NWD2: variants seen among roughly 807,000 people sequenced by gnomAD.
NWD2 encodes NACHT and WD repeat domain containing 2, also known as NACHT and WD repeat domain-containing protein 2.
Under a neutral mutation model 132.7 loss-of-function variants are expected in NWD2, and 37 were observed. The observed-to-expected ratio is 0.28, with a 90% CI of 0.21 to 0.37. The LOEUF is 0.37. Ranked by LOEUF, NWD2 falls within the 10% of genes least tolerant of loss-of-function variation. NWD2 has a pLI of 1.00. For missense variants in NWD2, 1,592 were observed against 2,122.4 expected, an observed-to-expected ratio of 0.75 and a Z score of 4.91; for synonymous variants, 705 against 803.0, an observed-to-expected ratio of 0.88 and a Z score of 2.06.
intron 5 of NWD2, 44 bp from the exon 6 acceptor site, chr4:37,438,757 T>C: frequency 7.5e-7 from 1 of 1,340,120 alleles, no homozygotes; most frequent in Admixed American, 2.5e-5. Flanking sequence ...GGTGTGTTGC[T>C]CCTTTGTTCT....
Position 37,444,938 on chromosome 4 carries a change from A to G in NWD2, c.2950A>G (p.Thr984Ala). ...LPTCNPSTVL[T>A]ALENGSISTW... The stretch of plus-strand genomic sequence containing the variant: ...TACCTGTAACCCCAGCACTGTCCTC[A>G]CAGCTTTAGAAAATGGTTCCATCAG... Residue 984 changes from threonine (T) to alanine (A), a missense_variant, in exon 7 of 7, where the codon ACA (threonine) becomes GCA (alanine). Physicochemically the swap from Thr to Ala is moderately conservative, Grantham distance 58 (BLOSUM62 0). This residue lies in a region of NWD2 where 1,071 missense variants were observed against 1,398.0 expected (regional missense o/e 0.77). Transcript: ENST00000309447. The surrounding 1 kb of genome is among the most constrained non-coding windows in gnomAD (Gnocchi z 4.8). The G allele has an allele frequency of 6.4e-7, 1 of 1,552,228 alleles. No homozygotes were observed. Among genetic ancestry groups the G allele is most frequent in the South Asian group, 1.2e-5 (1 of 84,044 alleles).
chr4:37,378,493 T>C (rs1178001594), intron 3 of NWD2, among the ~76,000 whole-genome samples: 1 of 152,246 alleles, frequency 6.6e-6, no homozygotes, highest in East Asian at 1.9e-4. Context: ...CATTTTCCCA[T>C]GTAACAATGG....
intron 3 of NWD2, among the ~76,000 whole-genome samples, chr4:37,373,361 G>C (rs1302210228): frequency 2.0e-5 from 3 of 152,194 alleles, no homozygotes; most frequent in South Asian, 2.1e-4. Context: ...ATCCAGACCA[G>C]TATCAAGAAG....
intron 1 of NWD2, among the ~76,000 whole-genome samples, chr4:37,302,111 T>C (rs1440719730): frequency 2.0e-5 from 3 of 151,734 alleles, no homozygotes; most frequent in African/African-American, 7.3e-5. Context: ...CTTTATTCCC[T>C]TACCATCCAC....
intron 1 of NWD2, among the ~76,000 whole-genome samples, chr4:37,255,118 G>A (rs749642486): frequency 6.6e-6 from 1 of 152,168 alleles, no homozygotes; most frequent in Non-Finnish European, 1.5e-5. Context: ...TAGAAAGGGA[G>A]TAAAAATGAC....
chr4:37,289,801 G>A (rs1283484694), intron 1 of NWD2, among the ~76,000 whole-genome samples: 2 of 151,966 alleles, frequency 1.3e-5, no homozygotes, highest in Non-Finnish European at 2.9e-5. Flanking sequence ...CCCTCCTAGT[G>A]AGTCCCACTC....
chr4:37,271,090 C>T (rs1246507166), intron 1 of NWD2, among the ~76,000 whole-genome samples: 2 of 151,738 alleles, frequency 1.3e-5, no homozygotes, highest in African/African-American at 4.8e-5. Flanking sequence ...AGTCTTGTTC[C>T]ATTGGTCAAT....
At chr4:37,318,020 C>CTTTTTTTTTTTTTTT (rs71185128) in intron 1 of NWD2, among the ~76,000 whole-genome samples, 1 of 113,364 alleles carries the variant, frequency 8.8e-6, no homozygotes, top group Non-Finnish European at 1.7e-5. Context: ...TTTTTTCTTT[C>CTTTTTTTTTTTTTTT]TTTTTTTTTT....
At chr4:37,247,432 G>A (rs1054297091) in intron 1 of NWD2, among the ~76,000 whole-genome samples, 5 of 152,038 alleles carry the variant, frequency 3.3e-5, no homozygotes, top group Admixed American at 1.3e-4. Context: ...CTTTACTAGC[G>A]GAAATCCAAT....
rs1717673693 is a variant in NWD2 at position 37,262,927 on chromosome 4, C to T, written c.151+17709C>T. Among the ~76,000 whole-genome samples the T allele has an allele frequency of 2.0e-5, 3 of 152,070 alleles. No homozygotes were observed. In the South Asian group the frequency reaches 6.2e-4, roughly 32 times the overall value. ...ACTGCCACATCCTCCTACCAAAGCT[C>T]CTAGAAAACCTGCTAAAAATTATTT... On this transcript the variant is annotated intron_variant, in intron 1 of 6. Transcript: ENST00000309447.
chr4:37,287,665 GA>G (rs1718263715), intron 1 of NWD2, among the ~76,000 whole-genome samples: 1 of 152,224 alleles, frequency 6.6e-6, no homozygotes, highest in Non-Finnish European at 1.5e-5. Context: ...CCCCTAGGGG[GA>G]GGGGTGGCCG....
chr4:37,393,878 G>C (rs1720727519), intron 3 of NWD2, among the ~76,000 whole-genome samples: 1 of 152,206 alleles, frequency 6.6e-6, no homozygotes, highest in South Asian at 2.1e-4. Flanking sequence ...GGAGTACAAG[G>C]CTATCTTTGG....
intron 1 of NWD2, among the ~76,000 whole-genome samples, chr4:37,286,598 T>C (rs1364501857): frequency 2.0e-5 from 3 of 152,158 alleles, no homozygotes; most frequent in Non-Finnish European, 4.4e-5. Flanking sequence ...CCCTGTAGTG[T>C]GTAGCCTGGA....
rs370325481 is a variant in NWD2 at position 37,446,769 on chromosome 4, G to A, written c.4781G>A (p.Gly1594Asp). 7.2e-5 allele frequency: 112 copies of A among 1,551,660 alleles called. No homozygotes were observed. The highest frequency in any genetic ancestry group is 9.2e-5 in the Non-Finnish European group (106 of 1,147,038). The change falls in exon 7 of 7, where the codon GGT becomes GAT. Residue 1594 changes from glycine to aspartate, a missense_variant. Coordinates refer to ENST00000309447, the MANE Select transcript of NWD2 (RefSeq NM_001144990.2). This position sits in a 1 kb window ranked among gnomAD's most constrained non-coding sequence, Gnocchi z 6.7. ...FRNGEEEDEN[G>D]AIFSLIVMRL... ...AATGGGGAGGAGGAGGATGAAAATG[G>A]TGCAATATTCAGTTTAATTGTAATG...
intron 1 of NWD2, among the ~76,000 whole-genome samples, chr4:37,279,156 C>T (rs569963451): frequency 8.5e-5 from 13 of 152,138 alleles, no homozygotes; most frequent in African/African-American, 3.1e-4. Flanking sequence ...TTTATTTATT[C>T]ACCTTGCTTT....
At chr4:37,365,146 A>G (rs543139991) in intron 3 of NWD2, among the ~76,000 whole-genome samples, 1 of 152,288 alleles carries the variant, frequency 6.6e-6, no homozygotes, top group South Asian at 2.1e-4. Context: ...GTAAAAGAAA[A>G]CTATATGATG....
chr4:37,361,454 C>T (rs917593324), intron 3 of NWD2, among the ~76,000 whole-genome samples: 1 of 152,040 alleles, frequency 6.6e-6, no homozygotes, highest in Non-Finnish European at 1.5e-5. Flanking sequence ...GCTAGCAAAC[C>T]AGATCCAACA....
At chr4:37,256,198 C>CTACT (rs1336283783) in intron 1 of NWD2, among the ~76,000 whole-genome samples, 16 of 152,048 alleles carry the variant, frequency 1.1e-4, no homozygotes, top group Admixed American at 7.9e-4. Context: ...CTTATGTGTG[C>CTACT]AGTATATATG....
intron 3 of NWD2, among the ~76,000 whole-genome samples, chr4:37,394,806 T>TTTGTTTTCTTTTG (rs1406834562): frequency 2.0e-5 from 2 of 100,536 alleles, no homozygotes; most frequent in Admixed American, 2.3e-4. Flanking sequence ...ATGGTTTTTT[T>TTTGTTTTCTTTTG]TTTTTTTTTT....
Sources: gnomAD v4.1 joint callset for allele counts (sites outside exome capture counted in the v4.1 genomes callset) on GRCh38, gnomAD v4.1.1 for gene constraint, gnomAD v4.1.1 regional missense constraint, Gnocchi (gnomAD v3.1) non-coding constraint, MANE v1.5 for transcripts, NCBI Gene and HGNC (gene_info 2026-07-23, HGNC 2026-07-21) for gene names.